The following PRIM2 variants were observed in gnomAD, a reference collection of about 807,000 sequenced individuals.
The protein encoded by PRIM2 is DNA primase subunit 2.
A neutral mutation model predicts 67.3 loss-of-function variants in PRIM2; 39 were observed. That is an observed-to-expected ratio of 0.58 (90% CI 0.45 to 0.76). The LOEUF is 0.76. PRIM2 is among the 30% of genes least tolerant of loss of function. PRIM2 has a pLI of 0.00. For missense variants in PRIM2, 398 were observed against 598.7 expected (o/e 0.66, Z 3.50); for synonymous variants, 143 against 198.7 (o/e 0.72, Z 2.36).
intron 8 of PRIM2, among the ~76,000 whole-genome samples, chr6:57,525,109 C>T (rs1554349241): frequency 4.6e-5 from 7 of 152,040 alleles, no homozygotes; most frequent in Non-Finnish European, 7.3e-5. Flanking sequence ...AACCTAACCT[C>T]TTCATCTATA....
chr6:57,345,140 A>G (rs1248415384), intron 5 of PRIM2, among the ~76,000 whole-genome samples: 2 of 147,460 alleles, frequency 1.4e-5, no homozygotes, highest in Non-Finnish European at 3.0e-5. Context: ...TTTTATAATG[A>G]TATATATCTA....
chr6:57,431,660 G>C (rs377229330), intron 7 of PRIM2, among the ~76,000 whole-genome samples: 1,950 of 152,070 alleles, frequency 0.013, 40 homozygotes, highest in African/African-American at 0.043. Context: ...AAAAAAAAAT[G>C]TGATTTGTTT....
chr6:57,563,345 G>A (rs1408834020), intron 10 of PRIM2, among the ~76,000 whole-genome samples: 2 of 151,070 alleles, frequency 1.3e-5, no homozygotes, highest in African/African-American at 4.9e-5. Flanking sequence ...GCTTCTGGCT[G>A]ATCATTAGGA....
intron 10 of PRIM2, among the ~76,000 whole-genome samples, chr6:57,540,274 C>G (rs1355186057): frequency 2.6e-5 from 4 of 152,034 alleles, no homozygotes; most frequent in Non-Finnish European, 5.9e-5. Flanking sequence ...GACATACACA[C>G]ACTCACACAC....
chr6:57,645,438 T>A (rs1777319151), intron 13 of PRIM2, among the ~76,000 whole-genome samples: 1 of 151,464 alleles, frequency 6.6e-6, no homozygotes, highest in Non-Finnish European at 1.5e-5. Flanking sequence ...CAACCAGAAT[T>A]GGTAATGTTT....
At chr6:57,523,709 G>A (rs1774678526) in intron 8 of PRIM2, among the ~76,000 whole-genome samples, 1 of 151,728 alleles carries the variant, frequency 6.6e-6, no homozygotes, top group Admixed American at 6.6e-5. Context: ...GCCACAGCAT[G>A]AAAAGATTAT....
the PRIM2 span, among the ~76,000 whole-genome samples, chr6:57,237,826 G>T: frequency 6.6e-6 from 1 of 152,232 alleles, no homozygotes; most frequent in East Asian, 1.9e-4. Context: ...TAGCCTTGTG[G>T]TATAGTTTGA....
chr6:57,568,667 G>T (rs1259984211), intron 10 of PRIM2, among the ~76,000 whole-genome samples: 2 of 152,310 alleles, frequency 1.3e-5, no homozygotes, highest in East Asian at 3.9e-4. Context: ...TTCTTACAAA[G>T]ATATTAAGGG....
intron 13 of PRIM2, among the ~76,000 whole-genome samples, chr6:57,642,080 A>T (rs1417871022): frequency 6.6e-6 from 1 of 152,244 alleles, no homozygotes; most frequent in Non-Finnish European, 1.5e-5. Flanking sequence ...TGTCCTTTGC[A>T]GGGACATGGA....
the PRIM2 span, among the ~76,000 whole-genome samples, chr6:57,252,971 T>C: frequency 1.3e-5 from 2 of 152,030 alleles, no homozygotes; most frequent in African/African-American, 4.8e-5. Context: ...AATAGAAATA[T>C]TAGAATAAAG....
At chr6:57,630,829 C>T (rs1777027171) in intron 12 of PRIM2, among the ~76,000 whole-genome samples, 1 of 152,102 alleles carries the variant, frequency 6.6e-6, no homozygotes, top group African/African-American at 2.4e-5. Flanking sequence ...ACAACATGAA[C>T]TCAGTGTTAG....
At chr6:57,254,784 C>A in the PRIM2 span, among the ~76,000 whole-genome samples, 1 of 152,124 alleles carries the variant, frequency 6.6e-6, no homozygotes, top group Non-Finnish European at 1.5e-5. Flanking sequence ...GGGTAATCAC[C>A]CAGCACCTGG....
chr6:57,507,527 G>A, intron 8 of PRIM2, 73 bp downstream of exon 8: 2 of 1,425,154 alleles, frequency 1.4e-6, no homozygotes, highest in Admixed American at 2.7e-5. Flanking sequence ...TATTAAAGTG[G>A]TGAAACCCCT....
At chr6:57,619,510 C>T (rs1361398771) in intron 12 of PRIM2, among the ~76,000 whole-genome samples, 2 of 152,102 alleles carry the variant, frequency 1.3e-5, no homozygotes, top group African/African-American at 4.8e-5. Flanking sequence ...CAAGGAAATT[C>T]AGAAAGTGAC....
chr6:57,375,004 A>G (rs1769709853), intron 5 of PRIM2, among the ~76,000 whole-genome samples: 1 of 152,266 alleles, frequency 6.6e-6, no homozygotes, highest in Admixed American at 6.5e-5. Flanking sequence ...GGATGATGTC[A>G]TCTGTAAACA....
At chr6:57,473,046 C>T (rs1435528800) in intron 7 of PRIM2, among the ~76,000 whole-genome samples, 6 of 152,200 alleles carry the variant, frequency 3.9e-5, no homozygotes, top group African/African-American at 9.7e-5. Context: ...TTAATTACAG[C>T]TTTGTATTAA....
chr6:57,320,123 A>G (rs1378421490), intron 2 of PRIM2, among the ~76,000 whole-genome samples: 1 of 152,200 alleles, frequency 6.6e-6, no homozygotes, highest in Non-Finnish European at 1.5e-5. Context: ...CAGCTCCCAT[A>G]CGAAGGATGC....
intron 5 of PRIM2, among the ~76,000 whole-genome samples, chr6:57,334,291 T>TA (rs1417685534): frequency 1.3e-5 from 2 of 152,158 alleles, no homozygotes; most frequent in African/African-American, 2.4e-5. Flanking sequence ...ATATTGCATT[T>TA]AAAAAAATCC....
At chr6:57,627,423 C>CT in intron 12 of PRIM2, among the ~76,000 whole-genome samples, 1 of 149,928 alleles carries the variant, frequency 6.7e-6, no homozygotes, top group African/African-American at 2.4e-5. Flanking sequence ...GAGTCTTGCT[C>CT]TGTCACCCAG....
Sources: gnomAD v4.1 joint callset for allele counts (sites outside exome capture counted in the v4.1 genomes callset) on GRCh38, gnomAD v4.1.1 for gene constraint, MANE v1.5 for transcripts, NCBI Gene and HGNC (gene_info 2026-07-23, HGNC 2026-07-21) for gene names.